LY96: variants seen among roughly 807,000 people sequenced by gnomAD.
LY96 encodes the protein lymphocyte antigen 96.
In LY96, 18 loss-of-function variants were observed where a neutral mutation model predicts 18.9. That is an observed-to-expected ratio of 0.95 (90% confidence interval 0.66 to 1.41). The LOEUF (loss-of-function observed/expected upper bound fraction) is 1.41. LY96 is among the 40% of genes most tolerant of loss of function. The probability of loss-of-function intolerance (pLI) is 0.00; values close to 1 mark genes in which losing one functional copy is unlikely to be tolerated. For synonymous variants in LY96, 66 were observed against 62.6 expected (o/e 1.06, Z -0.26); for missense variants, 175 against 182.4 (o/e 0.96, Z 0.23).
chr8:74,079,093 A>G, the LY96 span, among the ~76,000 whole-genome samples: 2 of 152,360 alleles, frequency 1.3e-5, no homozygotes, highest in African/African-American at 4.8e-5. Context: ...AGCCCTCACC[A>G]AAGTGGCTGG....
At chr8:74,074,662 C>A in the LY96 span, among the ~76,000 whole-genome samples, 1 of 152,108 alleles carries the variant, frequency 6.6e-6, no homozygotes, top group Non-Finnish European at 1.5e-5. Flanking sequence ...TTCTCTGTAT[C>A]CCATAGGTTT....
At chr8:74,097,720 ATAAATAAG>A in the LY96 span, among the ~76,000 whole-genome samples, 6 of 127,678 alleles carry the variant, frequency 4.7e-5, 1 homozygote, top group African/African-American at 1.4e-4. Flanking sequence ...AAATAAATAA[ATAAATAAG>A]TAAATAAATA....
intron 3 of LY96, among the ~76,000 whole-genome samples, chr8:74,012,892 A>G (rs1439004974): frequency 6.6e-6 from 1 of 152,040 alleles, no homozygotes; most frequent in Non-Finnish European, 1.5e-5. Context: ...TTAGCAATAG[A>G]ACTATATGTT....
chr8:74,040,497 A>G, the LY96 span, among the ~76,000 whole-genome samples: 24 of 151,966 alleles, frequency 1.6e-4, no homozygotes, highest in Non-Finnish European at 3.4e-4. Context: ...ATCTATTTTG[A>G]TTTGATTTGT....
intron 3 of LY96, among the ~76,000 whole-genome samples, chr8:74,019,007 A>G (rs1434646161): frequency 6.6e-6 from 1 of 152,202 alleles, no homozygotes; most frequent in Non-Finnish European, 1.5e-5. Flanking sequence ...CATCACAATT[A>G]AAAGAACTAG....
chr8:74,043,873 A>G, the LY96 span, among the ~76,000 whole-genome samples: 4 of 152,188 alleles, frequency 2.6e-5, no homozygotes, highest in African/African-American at 9.7e-5. Context: ...TCTGGCTGTT[A>G]CCCAGGCTGA....
intron 3 of LY96, among the ~76,000 whole-genome samples, chr8:74,011,075 A>G (rs1156552140): frequency 2.0e-5 from 3 of 152,268 alleles, no homozygotes; most frequent in African/African-American, 4.8e-5. Context: ...ATAAACATCT[A>G]TTGAACCTAA....
At chr8:74,010,480 A>AAAAAAT (rs1374332198) in intron 3 of LY96, among the ~76,000 whole-genome samples, 4 of 151,988 alleles carry the variant, frequency 2.6e-5, no homozygotes, top group African/African-American at 9.7e-5. Flanking sequence ...ACCAAGGGAT[A>AAAAAAT]AAAAAATAAA....
chr8:74,055,147 A>G, the LY96 span, among the ~76,000 whole-genome samples: 1 of 152,052 alleles, frequency 6.6e-6, no homozygotes. Flanking sequence ...GGCTCAAGCA[A>G]TCTTCTCGCC....
intron 1 of LY96, among the ~76,000 whole-genome samples, chr8:74,002,413 A>AT (rs1345365814): frequency 2.7e-5 from 4 of 150,372 alleles, no homozygotes; most frequent in African/African-American, 4.9e-5. Flanking sequence ...CTTTTAAATT[A>AT]TTTTTTCCTT....
chr8:74,059,600 T>C, the LY96 span, among the ~76,000 whole-genome samples: 11 of 152,112 alleles, frequency 7.2e-5, no homozygotes, highest in African/African-American at 2.7e-4. Context: ...ACCTTCCTTA[T>C]GGAAAAAAAA....
the LY96 span, among the ~76,000 whole-genome samples, chr8:74,079,953 T>G: frequency 6.6e-6 from 1 of 152,110 alleles, no homozygotes. Context: ...CTTTTCTACA[T>G]CCAGGCTGTG....
chr8:74,059,269 G>C, the LY96 span, among the ~76,000 whole-genome samples: 1 of 152,180 alleles, frequency 6.6e-6, no homozygotes, highest in African/African-American at 2.4e-5. Flanking sequence ...CATATTTATG[G>C]AAGCAAATGC....
chr8:74,037,250 A>G, the LY96 span, among the ~76,000 whole-genome samples: 1 of 152,178 alleles, frequency 6.6e-6, no homozygotes, highest in Non-Finnish European at 1.5e-5. Context: ...TGTTGCCCAC[A>G]TTTCTGTGGA....
chr8:73,998,294 G>A (rs746794589), intron 1 of LY96, among the ~76,000 whole-genome samples: 1 of 151,966 alleles, frequency 6.6e-6, no homozygotes, highest in Non-Finnish European at 1.5e-5. Context: ...CATAAACTGG[G>A]GCAGAGACAA....
At chr8:74,084,686 T>C in the LY96 span, among the ~76,000 whole-genome samples, 16 of 152,190 alleles carry the variant, frequency 1.1e-4, no homozygotes, top group Admixed American at 3.9e-4. Flanking sequence ...CAATCTCGGC[T>C]CACTGCAACT....
chr8:73,994,426 C>G (rs929256569), intron 1 of LY96, among the ~76,000 whole-genome samples: 2 of 152,134 alleles, frequency 1.3e-5, no homozygotes, highest in Non-Finnish European at 2.9e-5. Context: ...CTCTGATTCA[C>G]TGTGATGATT....
the LY96 span, among the ~76,000 whole-genome samples, chr8:74,089,491 A>T: frequency 2.0e-5 from 3 of 152,084 alleles, no homozygotes; most frequent in African/African-American, 7.2e-5. Flanking sequence ...TTGGTATGAA[A>T]CTTTCCCATA....
downstream of LY96, among the ~76,000 whole-genome samples, chr8:74,032,337 A>G (rs1586665076): frequency 6.6e-6 from 1 of 152,224 alleles, no homozygotes; most frequent in East Asian, 1.9e-4. Flanking sequence ...AGTAAAAACT[A>G]AAAGGCAGAA....
Sources: allele counts gnomAD v4.1 joint callset (sites outside exome capture counted in the v4.1 genomes callset), GRCh38; gene constraint gnomAD v4.1.1; transcripts MANE v1.5; gene names NCBI Gene and HGNC (gene_info 2026-07-23, HGNC 2026-07-21).